Variants in POLR1C observed in about 807,000 individuals in gnomAD.
The protein encoded by POLR1C is DNA-directed RNA polymerases I and III subunit RPAC1.
POLR1C carries 42 observed loss-of-function variants against 38.3 expected under a neutral mutation model. The ratio of observed to expected loss-of-function variants is 1.10; its 90% CI spans 0.86 to 1.42. POLR1C has a LOEUF of 1.42. POLR1C is among the 40% of genes most tolerant of loss of function. The pLI, the probability that POLR1C is intolerant of heterozygous loss-of-function variation, is 0.00. For missense variants in POLR1C, 507 were observed against 450.5 expected (o/e 1.13, Z -1.14); for synonymous variants, 163 against 163.9 (o/e 0.99, Z 0.04).
At chr6:43,533,865 GGATAAGATAAACCTTAGGAGAAA>G, downstream of POLR1C, 4 of 1,459,242 alleles carry the variant, frequency 2.7e-6, no homozygotes, top group Non-Finnish European at 3.8e-6. Context: ...CATCCATTAG[GGATAAGATAAACCTTAGGAGAAA>G]AAAGGTTACA....
chr6:43,558,829 G>A, intron 10 of POLR1C: 1 of 396,918 alleles, frequency 2.5e-6, no homozygotes, highest in East Asian at 4.2e-5. Context: ...AAGTTCCTCA[G>A]GGAGAATTAA....
At chr6:43,546,517 A>C in intron 9 of POLR1C, 6 of 1,539,138 alleles carry the variant, frequency 3.9e-6, no homozygotes, top group Non-Finnish European at 5.2e-6. Context: ...TAAACTTTTG[A>C]AATTTTTAAG....
At position 43,527,906 on chromosome 6, in the gene POLR1C, C is replaced by G. The variant is rs9296415; in HGVS notation, c.923-1343C>G. On this transcript the variant is annotated intron_variant, in intron 8 of 8. Coordinates refer to the POLR1C transcript ENST00000304004. The stretch of plus-strand genomic sequence containing the variant: ...CTGAAGGACATTATTACTAGTGACT[C>G]TGTCCAGTTGGATAGACATTACAGA... Among the ~76,000 whole-genome samples, 2,800 of 152,290 alleles carry G rather than the reference C, an allele frequency of 0.018. 103 individuals carry two copies. Among genetic ancestry groups the G allele is most frequent in the African/African-American group, 0.063 (2,613 of 41,540 alleles).
At chr6:43,519,256 A>G in intron 2 of POLR1C, 77 bp from the exon 3 acceptor site, 1 of 867,178 alleles carries the variant, frequency 1.2e-6, no homozygotes, top group East Asian at 2.5e-5. Flanking sequence ...ACTTGAGGGA[A>G]TTATCTAAGG....
chr6:43,522,528 G>C (rs1793252409), downstream of POLR1C: 1 of 241,012 alleles, frequency 4.1e-6, no homozygotes, highest in Non-Finnish European at 9.3e-6. Flanking sequence ...CAGGTTTGGA[G>C]GGAAACACTC....
At chr6:43,539,464 C>A in intron 9 of POLR1C, 1 of 1,576,484 alleles carries the variant, frequency 6.3e-7, no homozygotes, top group Non-Finnish European at 8.6e-7. Context: ...AGAGATAGAT[C>A]TCCTCCAGGG....
intron 10 of POLR1C, chr6:43,553,299 C>T: frequency 1.3e-6 from 2 of 1,509,570 alleles, no homozygotes; most frequent in Non-Finnish European, 1.8e-6. Context: ...GATATAGCGT[C>T]CCAAAATAGA....
chr6:43,534,055 G>A, downstream of POLR1C: 1 of 1,454,528 alleles, frequency 6.9e-7, no homozygotes, highest in African/African-American at 1.4e-5. Flanking sequence ...GATGCAGAAG[G>A]AAAGAGTGGG....
At chr6:43,529,836 G>A (rs1387024961), downstream of POLR1C, among the ~76,000 whole-genome samples, 1 of 149,804 alleles carries the variant, frequency 6.7e-6, no homozygotes, top group Non-Finnish European at 1.5e-5. Context: ...TGAGGTGGGA[G>A]GATCACTTGA....
intron 10 of POLR1C, chr6:43,560,943 AAAGC>A: frequency 6.2e-7 from 1 of 1,613,948 alleles, no homozygotes; most frequent in Non-Finnish European, 8.5e-7. Context: ...ATGGGTTGTG[AAAGC>A]AAGAAAAGAT....
intron 8 of POLR1C, chr6:43,526,836 T>C: frequency 7.2e-7 from 1 of 1,380,454 alleles, no homozygotes; most frequent in South Asian, 1.2e-5. Context: ...AACCTGTCTC[T>C]GGCCAGGTGA....
At chr6:43,520,880 C>A in intron 7 of POLR1C, 52 bp from the exon 8 acceptor site, 1 of 1,603,020 alleles carries the variant, frequency 6.2e-7, no homozygotes, top group Non-Finnish European at 8.5e-7. Context: ...TGGTTTGCTA[C>A]CAAGTGGCAA....
intron 10 of POLR1C, chr6:43,555,197 C>CT (rs1269290263): frequency 2.6e-5 from 4 of 152,264 alleles, no homozygotes; most frequent in Admixed American, 6.5e-5. Context: ...CCGCCTTGGG[C>CT]TCCCAAAGTG....
At chr6:43,523,447 T>C (rs2127695690), downstream of POLR1C, 1 of 341,244 alleles carries the variant, frequency 2.9e-6, no homozygotes, top group South Asian at 2.3e-5. Flanking sequence ...CAAGAGAAAC[T>C]CTGGCACAAG....
At chr6:43,551,701 T>C (rs570587862) in intron 10 of POLR1C, among the ~76,000 whole-genome samples, 1 of 152,114 alleles carries the variant, frequency 6.6e-6, no homozygotes, top group Non-Finnish European at 1.5e-5. Flanking sequence ...CTTTCTAAAA[T>C]TTTTGTAGAG....
downstream of POLR1C, chr6:43,530,573 TA>T: frequency 7.9e-7 from 1 of 1,267,208 alleles, no homozygotes; most frequent in Non-Finnish European, 1.1e-6. Flanking sequence ...CTTAGATACA[TA>T]ATCTCATCTC....
chr6:43,529,757 AAAT>A (rs1385699099), downstream of POLR1C, among the ~76,000 whole-genome samples: 1 of 151,382 alleles, frequency 6.6e-6, no homozygotes, highest in East Asian at 1.9e-4. Context: ...CCATCTCTAC[AAAT>A]AATAATAAAA....
At chr6:43,554,142 T>C (rs1761887346) in intron 10 of POLR1C, among the ~76,000 whole-genome samples, 1 of 152,298 alleles carries the variant, frequency 6.6e-6, no homozygotes, top group South Asian at 2.1e-4. Flanking sequence ...GAGTCTCCTC[T>C]GTCACCCAGG....
Position 43,526,617 on chromosome 6 carries a change from C to G in POLR1C, c.923-2632C>G, listed in dbSNP as rs555737481. On this transcript the variant is annotated intron_variant, in intron 8 of 8. Coordinates refer to the POLR1C transcript ENST00000304004. ...CCTCACCAGACTGCAAGGAAACTGA[C>G]CTGGTTCAGAAGGAACAGTATTTAG... is the stretch of plus-strand genomic sequence containing the variant. 40 of 1,576,178 alleles carry G rather than the reference C, an allele frequency of 2.5e-5. No individual in the cohort carries two copies. In the South Asian group the frequency reaches 4.3e-4, roughly 17 times the overall value.
Sources: gnomAD v4.1 joint callset for allele counts (sites outside exome capture counted in the v4.1 genomes callset) on GRCh38, gnomAD v4.1.1 for gene constraint, MANE v1.5 for transcripts, NCBI Gene and HGNC (gene_info 2026-07-23, HGNC 2026-07-21) for gene names.